The following ERI3 variants were observed in gnomAD, a reference collection of about 807,000 sequenced individuals.
ERI3 encodes ERI1 exoribonuclease family member 3, also known as ERI1 exoribonuclease 3.
ERI3 carries 18 observed loss-of-function variants against 44.4 expected under a neutral mutation model. The ratio of observed to expected loss-of-function variants is 0.41; its 90% CI spans 0.28 to 0.60. The LOEUF is 0.60. Ranked by LOEUF, ERI3 falls within the 20% of genes least tolerant of loss-of-function variation. ERI3 has a pLI of 0.36. For synonymous variants in ERI3, 183 were observed against 164.8 expected (o/e 1.11, Z -0.84); for missense variants, 294 against 435.5 (o/e 0.68, Z 2.89).
intron 7 of ERI3, among the ~76,000 whole-genome samples, chr1:44,270,759 G>C (rs1645073108): frequency 6.6e-6 from 1 of 152,212 alleles, no homozygotes; most frequent in African/African-American, 2.4e-5. Context: ...CTTTGCAGCA[G>C]CTGCAGGGAA....
At chr1:44,342,705 G>A (rs1370414269) in intron 2 of ERI3, among the ~76,000 whole-genome samples, 4 of 143,708 alleles carry the variant, frequency 2.8e-5, no homozygotes, top group South Asian at 2.2e-4. Flanking sequence ...GCAGTGCAGC[G>A]GCACAATCAT....
intron 7 of ERI3, among the ~76,000 whole-genome samples, chr1:44,278,460 G>C (rs1334992976): frequency 7.4e-6 from 1 of 135,796 alleles, no homozygotes. Context: ...CTGGGCAACA[G>C]AGCAAGACTG....
intron 7 of ERI3, 113 bp downstream of exon 7, chr1:44,284,719 GAGA>G (rs948800428): frequency 2.6e-6 from 2 of 768,762 alleles, no homozygotes; most frequent in African/African-American, 3.5e-5. Flanking sequence ...GTTAAGAAAA[GAGA>G]AGAACAAAAA....
chr1:44,264,209 T>C (rs78973376), intron 7 of ERI3, among the ~76,000 whole-genome samples: 132 of 152,316 alleles, frequency 8.7e-4, no homozygotes, highest in African/African-American at 3.1e-3. Flanking sequence ...TTTCCTAATA[T>C]GAAAAGGCAT....
intron 5 of ERI3, among the ~76,000 whole-genome samples, chr1:44,311,651 G>GA (rs1473418187): frequency 1.3e-5 from 2 of 151,732 alleles, no homozygotes; most frequent in African/African-American, 2.4e-5. Flanking sequence ...GGGCCACTGA[G>GA]AAAAAAAACC....
intron 8 of ERI3, among the ~76,000 whole-genome samples, chr1:44,238,239 G>A (rs1644351115): frequency 6.6e-6 from 1 of 152,098 alleles, no homozygotes; most frequent in Non-Finnish European, 1.5e-5. Context: ...GCTGCGGCAG[G>A]CGGGGCGGGG....
At chr1:44,239,918 C>T (rs1053709200) in intron 8 of ERI3, among the ~76,000 whole-genome samples, 3 of 152,218 alleles carry the variant, frequency 2.0e-5, no homozygotes, top group African/African-American at 2.4e-5. Context: ...ATCAGCTCTG[C>T]GGCTCCCCGC....
chr1:44,251,694 A>G (rs1015687503), intron 7 of ERI3, among the ~76,000 whole-genome samples: 2 of 152,188 alleles, frequency 1.3e-5, no homozygotes, highest in Non-Finnish European at 2.9e-5. Context: ...AAGACAAAGG[A>G]AAGTGGCATG....
chr1:44,268,833 C>A (rs1452469826), intron 7 of ERI3, among the ~76,000 whole-genome samples: 2 of 152,208 alleles, frequency 1.3e-5, no homozygotes, highest in East Asian at 3.8e-4. Context: ...TCAGAGGCCC[C>A]TCTCCTTTCC....
intron 6 of ERI3, among the ~76,000 whole-genome samples, chr1:44,302,805 C>T (rs565565803): frequency 6.6e-5 from 10 of 152,304 alleles, no homozygotes; most frequent in African/African-American, 2.2e-4. Flanking sequence ...TGAAGGAGGA[C>T]GGTCAGACAG....
chr1:44,259,691 C>CACACAG (rs1553185532), intron 7 of ERI3, among the ~76,000 whole-genome samples: 1 of 84,062 alleles, frequency 1.2e-5, no homozygotes, highest in South Asian at 3.8e-4. Flanking sequence ...AACACACAGA[C>CACACAG]ACACACACAC....
At chr1:44,239,734 G>GT (rs1409491933) in intron 8 of ERI3, among the ~76,000 whole-genome samples, 1 of 152,222 alleles carries the variant, frequency 6.6e-6, no homozygotes, top group Admixed American at 6.5e-5. Context: ...AATAGTAACA[G>GT]TGAGTGTAAG....
rs1479333557 is a variant in ERI3 at position 44,241,743 on chromosome 1, G to A, written c.931+6196C>T. 6.6e-6 allele frequency among the ~76,000 whole-genome samples: 1 copy of A among 152,088 alleles called. No individual in the cohort carries two copies. The highest frequency in any genetic ancestry group is 1.5e-5 in the Non-Finnish European group (1 of 68,026). On this transcript the variant is annotated intron_variant, in intron 8 of 8. Coordinates refer to ENST00000372257, the MANE Select transcript of ERI3 (RefSeq NM_024066.3). This position sits in a 1 kb window ranked among gnomAD's most constrained non-coding sequence, Gnocchi z 5.6. The stretch of plus-strand genomic sequence containing the variant: ...AGAGACAAGGGGAGGCGAGGCCGGG[G>A]CCTGGGGCTAGGAAGGTGGGGAAAC...
chr1:44,353,673 C>A, intron 1 of ERI3: 1 of 985,418 alleles, frequency 1.0e-6, no homozygotes, highest in Non-Finnish European at 1.2e-6. Context: ...AATAAAAGCA[C>A]TTTTATTTGG....
chr1:44,223,377 G>A (rs1429694628), intron 8 of ERI3, among the ~76,000 whole-genome samples: 2 of 152,066 alleles, frequency 1.3e-5, no homozygotes, highest in South Asian at 2.1e-4. Flanking sequence ...GGACCGGAAG[G>A]GGCCTAAGAG....
intron 7 of ERI3, among the ~76,000 whole-genome samples, chr1:44,282,524 T>G (rs1645310353): frequency 6.6e-6 from 1 of 152,196 alleles, no homozygotes; most frequent in Non-Finnish European, 1.5e-5. Context: ...TTACTCTTTT[T>G]AAGCAGGAAT....
At chr1:44,253,775 C>A (rs1644728842) in intron 7 of ERI3, among the ~76,000 whole-genome samples, 1 of 152,142 alleles carries the variant, frequency 6.6e-6, no homozygotes, top group Admixed American at 6.5e-5. Flanking sequence ...GCAGAGAGAA[C>A]ACAGATAGAA....
intron 1 of ERI3, chr1:44,353,211 A>G: frequency 1.0e-6 from 1 of 985,364 alleles, no homozygotes; most frequent in South Asian, 4.7e-5. Context: ...GGGTAGTTTC[A>G]GAATCCTAGT....
At chr1:44,253,053 C>G (rs1271895949) in intron 7 of ERI3, among the ~76,000 whole-genome samples, 1 of 152,218 alleles carries the variant, frequency 6.6e-6, no homozygotes, top group Non-Finnish European at 1.5e-5. Flanking sequence ...TAACCCCCAA[C>G]AGAGATGAAG....
Sources: gnomAD v4.1 joint callset for allele counts (sites outside exome capture counted in the v4.1 genomes callset) on GRCh38, gnomAD v4.1.1 for gene constraint, Gnocchi (gnomAD v3.1) non-coding constraint, MANE v1.5 for transcripts, NCBI Gene and HGNC (gene_info 2026-07-23, HGNC 2026-07-21) for gene names.